Variants in LRRK2 observed in about 807,000 individuals in gnomAD.
LRRK2 encodes the protein leucine-rich repeat serine/threonine-protein kinase 2.
In LRRK2, 203 loss-of-function variants were observed where a neutral mutation model predicts 302.6. The observed-to-expected ratio is 0.67, with a 90% CI of 0.60 to 0.75. LRRK2 has a LOEUF of 0.75. LRRK2 is among the 30% of genes least tolerant of loss of function. The pLI is 0.00. For missense variants in LRRK2, 2,830 were observed against 2,951.0 expected (o/e 0.96, Z 0.95); for synonymous variants, 1,066 against 1,031.9 (o/e 1.03, Z -0.63).
intron 28 of LRRK2, among the ~76,000 whole-genome samples, chr12:40,307,926 C>T (rs1219549027): frequency 1.3e-5 from 2 of 151,632 alleles, no homozygotes; most frequent in Admixed American, 6.6e-5. Flanking sequence ...GAATTACAGG[C>T]ACCTGCCACT....
At chr12:40,252,842 T>A (rs1206687548) in intron 10 of LRRK2, 68 bp from the exon 11 acceptor site, 50 of 1,009,646 alleles carry the variant, frequency 5.0e-5, no homozygotes, top group Non-Finnish European at 7.9e-5. Flanking sequence ...TATTTGATAA[T>A]GGCAAGTGAG....
At chr12:40,355,527 CCCTT>C (rs1317267757) in intron 45 of LRRK2, among the ~76,000 whole-genome samples, 4 of 74,808 alleles carry the variant, frequency 5.3e-5, no homozygotes, top group South Asian at 5.9e-4. Flanking sequence ...CTCCCTCCCT[CCCTT>C]CCTTCCTTCC....
Position 40,322,213 on chromosome 12 carries a change from C to T in LRRK2, c.5317+32C>T, listed in dbSNP as rs7137665. 0.67 allele frequency: 1,059,898 copies of T among 1,588,520 alleles called. 355,804 individuals carry two copies. The highest frequency in any genetic ancestry group is 0.77 in the African/African-American group (56,955 of 73,832). ...AAATCAATTTGAATGTTTTCAATTG[C>T]AACACTAAAGAAATTTAAACTTAAA... On this transcript the variant is annotated intron_variant, in intron 36 of 50. Transcript: ENST00000298910.
intron 35 of LRRK2, among the ~76,000 whole-genome samples, 164 bp downstream of exon 35, chr12:40,321,352 C>T (rs1945394938): frequency 6.6e-6 from 1 of 151,944 alleles, no homozygotes; most frequent in Non-Finnish European, 1.5e-5. Context: ...GCTCATAAAA[C>T]CTTGGAGTAG....
chr12:40,259,991 C>A (rs1942698427), intron 13 of LRRK2, among the ~76,000 whole-genome samples: 1 of 151,950 alleles, frequency 6.6e-6, no homozygotes. Context: ...CATTTCTATC[C>A]TTTTCTTACT....
chr12:40,308,688 A>G lies in LRRK2; in HGVS notation c.4181A>G (p.Asp1394Gly). ...RKRDLVLNVW[D>G]FAGREEFYST... The stretch of plus-strand genomic sequence containing the variant: ...AGAGATCTCGTCCTAAATGTGTGGG[A>G]TTTTGCAGGTATTTCTTTCTATAGA... Residue 1394 changes from aspartate (D) to glycine (G), a missense_variant, in exon 29 of 51, where the codon GAT becomes GGT. This residue lies in a region of LRRK2 where 2,121 missense variants were observed against 2,148.0 expected (regional missense o/e 0.99). Transcript: ENST00000298910. 1 of 1,613,530 alleles carries G rather than the reference A, an allele frequency of 6.2e-7. No homozygotes were observed. The highest frequency in any genetic ancestry group is 8.5e-7 in the Non-Finnish European group (1 of 1,179,712).
At chr12:40,337,069 G>A (rs1945894282) in intron 40 of LRRK2, among the ~76,000 whole-genome samples, 1 of 152,148 alleles carries the variant, frequency 6.6e-6, no homozygotes, top group Non-Finnish European at 1.5e-5. Flanking sequence ...TTTGTTCTTA[G>A]CATAATGCCA....
chr12:40,281,307 C>G (rs1299113814), intron 18 of LRRK2, among the ~76,000 whole-genome samples: 1 of 152,182 alleles, frequency 6.6e-6, no homozygotes, highest in Admixed American at 6.5e-5. Flanking sequence ...TAAGAACAAG[C>G]TCCTGGTAAC....
At chr12:40,355,855 A>G (rs1172909091) in intron 45 of LRRK2, among the ~76,000 whole-genome samples, 1 of 152,048 alleles carries the variant, frequency 6.6e-6, no homozygotes. Context: ...CTGTCTTGAT[A>G]ATTACATTTC....
intron 19 of LRRK2, among the ~76,000 whole-genome samples, chr12:40,284,463 CTTATT>C (rs1254333044): frequency 7.3e-6 from 1 of 137,144 alleles, no homozygotes; most frequent in African/African-American, 2.5e-5. Context: ...ATAAAAATAA[CTTATT>C]TTATCTCTTA....
intron 6 of LRRK2, among the ~76,000 whole-genome samples, chr12:40,242,129 A>G (rs906063828): frequency 2.0e-5 from 3 of 152,164 alleles, no homozygotes; most frequent in Non-Finnish European, 2.9e-5. Context: ...AAATTAAGAA[A>G]TCAAAAGTTT....
chr12:40,256,537 T>G (rs1021338318), intron 11 of LRRK2, among the ~76,000 whole-genome samples: 2 of 152,246 alleles, frequency 1.3e-5, no homozygotes, highest in African/African-American at 4.8e-5. Flanking sequence ...AAGTGCCAGT[T>G]GTAAAGCATA....
At chr12:40,332,344 C>G (rs968140494) in intron 39 of LRRK2, among the ~76,000 whole-genome samples, 2 of 152,156 alleles carry the variant, frequency 1.3e-5, no homozygotes, top group Non-Finnish European at 2.9e-5. Flanking sequence ...CCTGTATTCT[C>G]TCTTGTTTGG....
chr12:40,227,288 C>T (rs917239927), intron 2 of LRRK2, among the ~76,000 whole-genome samples: 3 of 152,130 alleles, frequency 2.0e-5, no homozygotes, highest in Non-Finnish European at 2.9e-5. Context: ...TCCGTCACCT[C>T]GAACATTTTT....
intron 23 of LRRK2, among the ~76,000 whole-genome samples, chr12:40,296,319 A>G (rs989389579): frequency 2.6e-5 from 4 of 152,214 alleles, no homozygotes; most frequent in African/African-American, 9.6e-5. Context: ...AAATTATTTT[A>G]ATGCAAATGT....
intron 35 of LRRK2, 59 bp downstream of exon 35, chr12:40,321,247 T>C (rs552396432): frequency 2.0e-6 from 3 of 1,506,406 alleles, no homozygotes; most frequent in African/African-American, 2.8e-5. Context: ...GACTTATTAA[T>C]TTTTAGAGAA....
At chr12:40,267,963 T>G (rs1943091356) in intron 14 of LRRK2, among the ~76,000 whole-genome samples, 1 of 152,122 alleles carries the variant, frequency 6.6e-6, no homozygotes. Context: ...AGGTAGAACT[T>G]GAGATTCAAC....
intron 24 of LRRK2, 77 bp downstream of exon 24, chr12:40,298,570 G>T (rs1944470514): frequency 1.3e-6 from 2 of 1,559,964 alleles, no homozygotes; most frequent in African/African-American, 2.7e-5. Flanking sequence ...CATTTTTATA[G>T]CAATGAGTTT....
chr12:40,266,824 A>G (rs2136559998), intron 14 of LRRK2, among the ~76,000 whole-genome samples: 1 of 152,206 alleles, frequency 6.6e-6, no homozygotes, highest in East Asian at 1.9e-4. Flanking sequence ...AAGCAGCCAT[A>G]AAAAATGATG....
Sources: gnomAD v4.1 joint callset for allele counts (sites outside exome capture counted in the v4.1 genomes callset) on GRCh38, gnomAD v4.1.1 for gene constraint, gnomAD v4.1.1 regional missense constraint, MANE v1.5 for transcripts, NCBI Gene and HGNC (gene_info 2026-07-23, HGNC 2026-07-21) for gene names.